The following JHY variants were observed in gnomAD, a reference collection of about 807,000 sequenced individuals.
JHY encodes junctional cadherin complex regulator, also known as jhy protein homolog.
JHY carries 69 observed loss-of-function variants against 78.0 expected under a neutral mutation model. That is an observed-to-expected ratio of 0.88 (90% CI 0.73 to 1.08). JHY has a LOEUF of 1.08. Ranked by LOEUF, JHY falls within the 50% of genes least tolerant of loss-of-function variation. The probability of loss-of-function intolerance (pLI) is 0.00; values close to 1 mark genes in which losing one functional copy is unlikely to be tolerated. For missense variants in JHY, 944 were observed against 927.8 expected, an observed-to-expected ratio of 1.02 and a Z score of -0.23; for synonymous variants, 368 against 342.6, an observed-to-expected ratio of 1.07 and a Z score of -0.82.
intron 4 of JHY, among the ~76,000 whole-genome samples, chr11:122,925,235 C>T (rs1025870744): frequency 2.0e-5 from 3 of 152,160 alleles, no homozygotes; most frequent in African/African-American, 4.8e-5. Context: ...AGAAAATAAT[C>T]ATATCACACT....
chr11:122,920,931 T>G (rs1167740990), intron 3 of JHY, among the ~76,000 whole-genome samples: 4 of 152,072 alleles, frequency 2.6e-5, no homozygotes, highest in Non-Finnish European at 4.4e-5. Flanking sequence ...GAAGCAATTA[T>G]AGGCCCCAAT....
Position 122,935,976 on chromosome 11 carries a change from A to G in JHY, c.1634+901A>G, listed in dbSNP as rs1027829450. Among the ~76,000 whole-genome samples, 1 of 152,238 alleles carries G rather than the reference A, an allele frequency of 6.6e-6. No homozygotes were observed. Among genetic ancestry groups the G allele is most frequent in the Non-Finnish European group, 1.5e-5 (1 of 68,038 alleles). On this transcript the variant is annotated intron_variant, in intron 5 of 8. Transcript: ENST00000227349. This position sits in a 1 kb window ranked among gnomAD's most constrained non-coding sequence, Gnocchi z 4.5. ...GGAGTATGAGTTCTACTGTGTTAAA[A>G]TATGCACAGAAGAAAAATTTACCAA...
At chr11:122,937,452 G>C (rs1351311814) in intron 5 of JHY, among the ~76,000 whole-genome samples, 3 of 151,776 alleles carry the variant, frequency 2.0e-5, no homozygotes, top group Non-Finnish European at 4.4e-5. Flanking sequence ...TTTCTCTTTC[G>C]AGACTTGCTT....
At chr11:122,939,370 A>G (rs545360660) in intron 5 of JHY, among the ~76,000 whole-genome samples, 15 of 152,234 alleles carry the variant, frequency 9.9e-5, no homozygotes, top group African/African-American at 3.4e-4. Flanking sequence ...TCCCACTTAC[A>G]GCTCATGAGC....
chr11:122,902,538 G>T (rs1862884430), intron 2 of JHY, among the ~76,000 whole-genome samples: 1 of 152,134 alleles, frequency 6.6e-6, no homozygotes, highest in African/African-American at 2.4e-5. Flanking sequence ...AGTGAGACTG[G>T]GTAATTTATT....
intron 2 of JHY, among the ~76,000 whole-genome samples, chr11:122,903,206 C>T (rs2034021433): frequency 6.6e-6 from 1 of 152,188 alleles, no homozygotes; most frequent in Non-Finnish European, 1.5e-5. Flanking sequence ...AATGTATTAC[C>T]AGCCAAAGTG....
chr11:122,954,704 G>A (rs1864155343), intron 6 of JHY, among the ~76,000 whole-genome samples: 1 of 152,108 alleles, frequency 6.6e-6, no homozygotes, highest in Non-Finnish European at 1.5e-5. Flanking sequence ...GATCACTTGA[G>A]GCCAGGAGTT....
In JHY at chr11:122,940,898, A is replaced by G. The variant is rs11218896; in HGVS notation, c.1635-5600A>G. The stretch of plus-strand genomic sequence containing the variant: ...CTCTCTCTAGTATCATTATGGACTC[A>G]TAAATCTTTTCCTATAAACATGTTA... On this transcript the variant is annotated intron_variant, in intron 5 of 8. Transcript: ENST00000227349. Among the ~76,000 whole-genome samples the G allele has an allele frequency of 3.7e-3, 557 of 151,076 alleles. 18 individuals carry two copies. The East Asian group carries it at 0.096, about 26-fold the overall frequency.
intron 6 of JHY, among the ~76,000 whole-genome samples, chr11:122,952,842 T>C (rs1160605111): frequency 1.3e-5 from 2 of 152,238 alleles, no homozygotes; most frequent in African/African-American, 4.8e-5. Context: ...TAATCATTGG[T>C]TTACTTTGGC....
intron 2 of JHY, among the ~76,000 whole-genome samples, chr11:122,886,403 G>A (rs931511885): frequency 6.6e-5 from 10 of 151,884 alleles, no homozygotes; most frequent in African/African-American, 2.4e-4. Context: ...TATTAATAAG[G>A]GCAATTCGCA....
chr11:122,907,853 G>A (rs1370397151), intron 3 of JHY, among the ~76,000 whole-genome samples: 1 of 149,112 alleles, frequency 6.7e-6, no homozygotes, highest in Non-Finnish European at 1.5e-5. Flanking sequence ...AAAAAAAAAG[G>A]TGATTTTTTT....
chr11:122,930,283 G>C (rs1206542117), intron 4 of JHY, among the ~76,000 whole-genome samples: 1 of 152,000 alleles, frequency 6.6e-6, no homozygotes, highest in Non-Finnish European at 1.5e-5. Flanking sequence ...GTTTCACCAT[G>C]TTTGTCAAGC....
intron 8 of JHY, among the ~76,000 whole-genome samples, chr11:122,957,825 A>ACACC (rs1591403662): frequency 6.6e-6 from 1 of 151,960 alleles, no homozygotes; most frequent in East Asian, 1.9e-4. Context: ...ACACACACAC[A>ACACC]CACACACTTT....
At position 122,885,892 on chromosome 11, in the gene JHY, C is replaced by G; in HGVS notation, c.43C>G (p.Pro15Ala). The G allele has an allele frequency of 1.2e-6, 2 of 1,614,056 alleles. No homozygotes were observed. The highest frequency in any genetic ancestry group is 4.5e-5 in the East Asian group (2 of 44,886). Residue 15 changes from proline (P) to alanine (A), a missense_variant, in exon 2 of 9, where the codon CCT (proline) becomes GCT (alanine). Physicochemically the swap from Pro to Ala is conservative, Grantham distance 27 (BLOSUM62 -1). Coordinates refer to ENST00000227349, the MANE Select transcript of JHY (RefSeq NM_024806.4). ...KLIPKLSIQS[P>A]VLHTNLNVQS... Reference sequence around the variant, plus strand: ...AATTCCCAAGCTCTCTATTCAATCTCCTGTCCTTCATACCAACTTAAATGT... The same window carrying G: ...AATTCCCAAGCTCTCTATTCAATCTGCTGTCCTTCATACCAACTTAAATGT...
In JHY at chr11:122,960,452, C is replaced by A; in HGVS notation, c.*1007C>A. 4.2e-6 allele frequency: 1 copy of A among 235,628 alleles called. No individual in the cohort carries two copies. Among genetic ancestry groups the A allele is most frequent in the South Asian group, 6.8e-5 (1 of 14,626 alleles). The allele number at this position is 235,628 out of a possible 1,614,324, so 14.6% of individuals were successfully genotyped here. A position where few individuals can be genotyped will look rare whatever the true frequency, so the allele number is the denominator to read the frequency against. ...TTCACACAGGGAAGCCACTCCTTGC[C>A]CCTCTACCACCTCTTCCTTCCTTTT... is the stretch of plus-strand genomic sequence containing the variant. On this transcript the variant is annotated 3_prime_UTR_variant, in exon 9 of 9. Coordinates refer to ENST00000227349, the MANE Select transcript of JHY (RefSeq NM_024806.4).
At chr11:122,941,035 G>A (rs1406137795) in intron 5 of JHY, among the ~76,000 whole-genome samples, 1 of 151,950 alleles carries the variant, frequency 6.6e-6, no homozygotes, top group Non-Finnish European at 1.5e-5. Context: ...TTTTGTCTTC[G>A]AGCACTTCTT....
At chr11:122,911,110 C>T (rs191150287) in intron 3 of JHY, among the ~76,000 whole-genome samples, 9 of 151,930 alleles carry the variant, frequency 5.9e-5, no homozygotes, top group South Asian at 2.1e-4. Flanking sequence ...TGTAATCCAC[C>T]GTTAAAGGAA....
chr11:122,901,581 A>AC (rs1862859861), intron 2 of JHY, among the ~76,000 whole-genome samples: 1 of 151,862 alleles, frequency 6.6e-6, no homozygotes, highest in Non-Finnish European at 1.5e-5. Flanking sequence ...TTCTATTAAA[A>AC]AATTTTTTTT....
intron 2 of JHY, among the ~76,000 whole-genome samples, chr11:122,897,725 C>T (rs1056386887): frequency 3.7e-4 from 56 of 152,096 alleles, no homozygotes; most frequent in African/African-American, 1.2e-3. Flanking sequence ...AACAAAGCAC[C>T]GCAATATTAC....
Sources: allele counts gnomAD v4.1 joint callset (sites outside exome capture counted in the v4.1 genomes callset), GRCh38; gene constraint gnomAD v4.1.1; non-coding constraint Gnocchi (gnomAD v3.1); transcripts MANE v1.5; gene names NCBI Gene and HGNC (gene_info 2026-07-23, HGNC 2026-07-21).